Variants in ST3GAL1 observed in about 807,000 individuals in gnomAD.
ST3GAL1 encodes the protein CMP-N-acetylneuraminate-beta-galactosamide-alpha-2,3-sialyltransferase 1.
Under a neutral mutation model 34.1 loss-of-function variants are expected in ST3GAL1, and 16 were observed. That is an observed-to-expected ratio of 0.47 (90% confidence interval 0.32 to 0.71). The LOEUF (loss-of-function observed/expected upper bound fraction) is 0.71, where lower values mean the gene tolerates loss of function less well. Among genes scored for constraint, ST3GAL1 ranks in the 30% least tolerant of loss-of-function variants. The pLI is 0.04. For synonymous variants in ST3GAL1, 191 were observed against 184.7 expected, an observed-to-expected ratio of 1.03 and a Z score of -0.28; for missense variants, 353 against 447.4, an observed-to-expected ratio of 0.79 and a Z score of 1.90.
chr8:133,541,943 G>T (rs545996573), intron 2 of ST3GAL1, among the ~76,000 whole-genome samples: 3 of 152,258 alleles, frequency 2.0e-5, no homozygotes, highest in Admixed American at 1.3e-4. Flanking sequence ...AGATAGACAT[G>T]AATTTCCAGA....
rs1817402553 is a variant in ST3GAL1, at chr8:133,508,297, T to G, written c.-428-9108A>C. On this transcript the variant is annotated intron_variant, in intron 2 of 9. Coordinates refer to ENST00000522652, the MANE Select transcript of ST3GAL1 (RefSeq NM_173344.3). The surrounding 1 kb of genome is among the most constrained non-coding windows in gnomAD (Gnocchi z 4.1). ...TCTTTCCTTTCTGCTGCCTATAATC[T>G]TCTGAGGCTCCCAAATGTCCCTGAG... Among the ~76,000 whole-genome samples, 1 of 152,214 alleles carries G rather than the reference T, an allele frequency of 6.6e-6. No individual in the cohort carries two copies. The highest frequency in any genetic ancestry group is 6.5e-5 in the Admixed American group (1 of 15,282).
At chr8:133,553,024 A>G (rs1818905028) in intron 1 of ST3GAL1, among the ~76,000 whole-genome samples, 1 of 152,164 alleles carries the variant, frequency 6.6e-6, no homozygotes, top group Non-Finnish European at 1.5e-5. Flanking sequence ...ACTCAAAGTC[A>G]GGTCTGTCTT....
chr8:133,561,737 C>A (rs908409851), intron 1 of ST3GAL1, among the ~76,000 whole-genome samples: 2 of 152,044 alleles, frequency 1.3e-5, no homozygotes, highest in African/African-American at 4.8e-5. Flanking sequence ...GGGAATGAAG[C>A]GAGGTAGCTC....
rs1218414432 is a variant in ST3GAL1 at position 133,469,246 on chromosome 8, T to A, written c.307-3156A>T. On this transcript the variant is annotated intron_variant, in intron 5 of 9. Coordinates refer to ENST00000522652, the MANE Select transcript of ST3GAL1 (RefSeq NM_173344.3). This position sits in a 1 kb window ranked among gnomAD's most constrained non-coding sequence, Gnocchi z 4.3. The stretch of plus-strand genomic sequence containing the variant: ...TGATTTGATTTGATTTGATATGGAG[T>A]CTCACTCTATCGCCCAGGCTGGAAT... Among the ~76,000 whole-genome samples, 1 of 152,048 alleles carries A rather than the reference T, an allele frequency of 6.6e-6. No individual in the cohort carries two copies. Among genetic ancestry groups the A allele is most frequent in the African/African-American group, 2.4e-5 (1 of 41,398 alleles).
intron 1 of ST3GAL1, among the ~76,000 whole-genome samples, chr8:133,548,500 C>T (rs1163586736): frequency 1.3e-5 from 2 of 152,212 alleles, no homozygotes; most frequent in Admixed American, 1.3e-4. Context: ...GGCATGTCTG[C>T]CCTACATACC....
chr8:133,559,180 C>G (rs775434307), intron 1 of ST3GAL1, among the ~76,000 whole-genome samples: 1 of 152,120 alleles, frequency 6.6e-6, no homozygotes, highest in Non-Finnish European at 1.5e-5. Flanking sequence ...AGATACTTAA[C>G]TCTTGTTTAT....
Position 133,475,743 on chromosome 8 carries a change from C to T in ST3GAL1, c.282G>A (p.Glu94=), listed in dbSNP as rs764107819. 1.9e-6 allele frequency: 3 copies of T among 1,605,466 alleles called. No individual in the cohort carries two copies. In the East Asian group the frequency reaches 6.7e-5, roughly 36 times the overall value. Residue 94 remains glutamate, a synonymous_variant, in exon 5 of 10, where the codon GAG becomes GAA. Transcript: ENST00000522652. ...CCAGCCACCATCGGTAGGTGTCGTCCTCCAAGAGCGCGTTCTGGGCGGTCA... is the reference window on the plus strand; with the variant it reads ...CCAGCCACCATCGGTAGGTGTCGTCTTCCAAGAGCGCGTTCTGGGCGGTCA... The part of the protein sequence containing the change: ...PLLTAQNALL[E]DDTYRWWLRL...
At chr8:133,513,657 A>G (rs1329480745) in intron 2 of ST3GAL1, among the ~76,000 whole-genome samples, 1 of 152,128 alleles carries the variant, frequency 6.6e-6, no homozygotes, top group Non-Finnish European at 1.5e-5. Context: ...ATACTTTGGG[A>G]GGCTGAGGCG....
intron 2 of ST3GAL1, among the ~76,000 whole-genome samples, chr8:133,501,650 G>T (rs113978450): frequency 6.6e-6 from 1 of 152,050 alleles, no homozygotes; most frequent in Non-Finnish European, 1.5e-5. Flanking sequence ...TCAGGAGGCT[G>T]AGGCAGCAGA....
chr8:133,525,744 G>A lies in ST3GAL1; in HGVS notation c.-429+20030C>T, dbSNP rs764155629. On this transcript the variant is annotated intron_variant, in intron 2 of 9. Coordinates refer to ENST00000522652, the MANE Select transcript of ST3GAL1 (RefSeq NM_173344.3). ...GTCTGGCATGTCAACACCACCCAGAGTACATACACACCCAGCTGGGTTGCG... is the reference window on the plus strand; with the variant it reads ...GTCTGGCATGTCAACACCACCCAGAATACATACACACCCAGCTGGGTTGCG... 3.9e-5 allele frequency among the ~76,000 whole-genome samples: 6 copies of A among 152,272 alleles called. 1 individual carries two copies. The Middle Eastern group carries it at 0.01, about 259-fold the overall frequency.
intron 1 of ST3GAL1, among the ~76,000 whole-genome samples, chr8:133,562,906 A>G (rs1157646494): frequency 3.0e-5 from 4 of 135,296 alleles, no homozygotes; most frequent in Admixed American, 7.9e-5. Flanking sequence ...TAAATGTCCA[A>G]TTAGATAGAT....
intron 2 of ST3GAL1, among the ~76,000 whole-genome samples, chr8:133,516,974 T>G (rs1817665394): frequency 6.6e-6 from 1 of 152,176 alleles, no homozygotes; most frequent in African/African-American, 2.4e-5. Flanking sequence ...GTGAACATAT[T>G]AGTTCAGCAA....
chr8:133,561,228 C>T (rs1819213375), intron 1 of ST3GAL1, among the ~76,000 whole-genome samples: 1 of 150,790 alleles, frequency 6.6e-6, no homozygotes, highest in South Asian at 2.1e-4. Flanking sequence ...GCCTCTGTTG[C>T]TTGACTTTGA....
intron 2 of ST3GAL1, among the ~76,000 whole-genome samples, chr8:133,513,238 C>A (rs1817547471): frequency 6.6e-6 from 1 of 152,198 alleles, no homozygotes; most frequent in Non-Finnish European, 1.5e-5. Flanking sequence ...GGCCTTCACT[C>A]GTGACTTTGC....
At chr8:133,531,806 TAAAAAC>T (rs56375338) in intron 2 of ST3GAL1, among the ~76,000 whole-genome samples, 44,974 of 104,786 alleles carry the variant, frequency 0.43, 7,676 homozygotes, top group African/African-American at 0.55. Context: ...TCCCGAAACT[TAAAAAC>T]AGAAAAAAAA....
intron 9 of ST3GAL1, among the ~76,000 whole-genome samples, chr8:133,460,741 G>A (rs1236130379): frequency 6.6e-6 from 1 of 152,174 alleles, no homozygotes; most frequent in Non-Finnish European, 1.5e-5. Context: ...GAGGAGCTAT[G>A]CCCTGAGAGG....
Position 133,463,158 on chromosome 8 carries a change from C to T in ST3GAL1, c.729+256G>A, listed in dbSNP as rs112945792. Reference sequence around the variant, plus strand: ...TGCGGGGCAGCCAGGGTTTCTGATTCAGTAGGTTCGAGATGGGCCTGAGGA... The same window carrying T: ...TGCGGGGCAGCCAGGGTTTCTGATTTAGTAGGTTCGAGATGGGCCTGAGGA... On this transcript the variant is annotated intron_variant, in intron 8 of 9. Transcript: ENST00000522652. 3.7e-4 allele frequency among the ~76,000 whole-genome samples: 57 copies of T among 152,336 alleles called. 1 individual carries two copies. Among genetic ancestry groups the T allele is most frequent in the African/African-American group, 1.3e-3 (55 of 41,578 alleles).
chr8:133,498,757 C>T (rs1175870738), intron 3 of ST3GAL1, among the ~76,000 whole-genome samples: 1 of 152,234 alleles, frequency 6.6e-6, no homozygotes, highest in East Asian at 1.9e-4. Context: ...GACGAGGCAC[C>T]TGGGCCCTGC....
intron 3 of ST3GAL1, among the ~76,000 whole-genome samples, chr8:133,489,265 T>A (rs1252644967): frequency 1.3e-5 from 2 of 152,152 alleles, no homozygotes; most frequent in Non-Finnish European, 2.9e-5. Context: ...GCCAGCACCA[T>A]GACCAGTCCA....
Sources: gnomAD v4.1 joint callset for allele counts (sites outside exome capture counted in the v4.1 genomes callset) on GRCh38, gnomAD v4.1.1 for gene constraint, Gnocchi (gnomAD v3.1) non-coding constraint, MANE v1.5 for transcripts, NCBI Gene and HGNC (gene_info 2026-07-23, HGNC 2026-07-21) for gene names.